Variants in EGFR observed in about 807,000 individuals in gnomAD.
EGFR encodes the protein avian erythroblastic leukemia viral (v-erb-b) oncogene homolog.
Under a neutral mutation model 143.0 loss-of-function variants are expected in EGFR, and 58 were observed. That is an observed-to-expected ratio of 0.41 (90% confidence interval 0.33 to 0.50). EGFR has a LOEUF of 0.50. Among genes scored for constraint, EGFR ranks in the 20% least tolerant of loss-of-function variants. The pLI is 0.39. For synonymous variants in EGFR, 613 were observed against 594.4 expected (o/e 1.03, Z -0.45); for missense variants, 1,307 against 1,579.0 (o/e 0.83, Z 2.92).
At chr7:55,031,989 A>G (rs1023174344) in intron 1 of EGFR, among the ~76,000 whole-genome samples, 2 of 152,214 alleles carry the variant, frequency 1.3e-5, no homozygotes, top group Non-Finnish European at 2.9e-5. Flanking sequence ...TTGTGAGCAC[A>G]GGCATGTTGA....
intron 15 of EGFR, among the ~76,000 whole-genome samples, chr7:55,169,308 C>A (rs1786230757): frequency 6.6e-6 from 1 of 152,046 alleles, no homozygotes; most frequent in South Asian, 2.1e-4. Context: ...ACCATGTTGG[C>A]CAGGCTTGTC....
chr7:55,093,524 A>G (rs1791260547), intron 1 of EGFR, among the ~76,000 whole-genome samples: 1 of 152,142 alleles, frequency 6.6e-6, no homozygotes, highest in African/African-American at 2.4e-5. Context: ...AGTGATGGTA[A>G]ACAGAATGAG....
chr7:55,197,999 T>A (rs542258374), intron 22 of EGFR, among the ~76,000 whole-genome samples: 14 of 152,354 alleles, frequency 9.2e-5, no homozygotes, highest in South Asian at 2.1e-4. Flanking sequence ...GGTATCAGGA[T>A]GACATTGGCC....
In EGFR at chr7:55,170,211, A is replaced by G. The variant is rs111951810; in HGVS notation, c.1881-964A>G. The G allele has an allele frequency of 3.1e-4, 491 of 1,605,462 alleles. 2 individuals are homozygous for G. In the African/African-American group the frequency reaches 6.0e-3, roughly 20 times the overall value. ...CAGTGTAGAGAACAGAGACCTGGAG[A>G]GCAGAGATAGAAACTGTTAGGATCA... On this transcript the variant is annotated intron_variant, in intron 15 of 27. Transcript: ENST00000275493.
chr7:55,202,935 CTG>C (rs985189144), intron 27 of EGFR: 15 of 625,374 alleles, frequency 2.4e-5, no homozygotes, highest in Admixed American at 9.7e-5. Flanking sequence ...GTGTGTACAT[CTG>C]TGTATGTGTG....
chr7:55,138,713 A>G (rs73696554), intron 1 of EGFR, among the ~76,000 whole-genome samples: 1,619 of 152,314 alleles, frequency 0.011, 33 homozygotes, highest in African/African-American at 0.036. Context: ...TATTTTTTCA[A>G]TCTTCAAAAC....
chr7:55,087,273 T>TTAAAAAAA (rs1562702232), intron 1 of EGFR, among the ~76,000 whole-genome samples: 1 of 102,112 alleles, frequency 9.8e-6, no homozygotes, highest in African/African-American at 4.0e-5. Context: ...TCTCAATTGT[T>TTAAAAAAA]AAAAAAAAAA....
chr7:55,091,030 C>G (rs1245912693), intron 1 of EGFR, among the ~76,000 whole-genome samples: 1 of 152,192 alleles, frequency 6.6e-6, no homozygotes, highest in Non-Finnish European at 1.5e-5. Context: ...AGCACTTTGT[C>G]CTGACCTCAT....
chr7:55,033,077 A>G (rs1787354882), intron 1 of EGFR, among the ~76,000 whole-genome samples: 2 of 152,222 alleles, frequency 1.3e-5, no homozygotes, highest in African/African-American at 4.8e-5. Context: ...GAAAATTTTT[A>G]TAGCAGGCTA....
chr7:55,132,783 G>GT (rs1793928644), intron 1 of EGFR, among the ~76,000 whole-genome samples: 1 of 152,204 alleles, frequency 6.6e-6, no homozygotes, highest in African/African-American at 2.4e-5. Context: ...CTTCAGGGCA[G>GT]TGAGTACTTC....
At chr7:55,176,392 G>T (rs1173365401) in intron 19 of EGFR, among the ~76,000 whole-genome samples, 1 of 152,114 alleles carries the variant, frequency 6.6e-6, no homozygotes, top group Non-Finnish European at 1.5e-5. Flanking sequence ...GATAGATAAG[G>T]TCAAGGCTTA....
Position 55,211,402 on chromosome 7 carries a change from G to C in EGFR, c.*5785G>C, listed in dbSNP as rs908587259. The C allele has an allele frequency of 1.3e-5, 2 of 152,150 alleles. No homozygotes were observed. Among genetic ancestry groups the C allele is most frequent in the Admixed American group, 6.5e-5 (1 of 15,278 alleles). The allele number at this position is 152,150 out of a possible 1,614,324, so 9.4% of individuals were successfully genotyped here. ...ATAACTTCGTTTTAGAAACATTCAA[G>C]CAATAGCTTTATAGCTTCAACATAT... On this transcript the variant is annotated 3_prime_UTR_variant, in exon 28 of 28. Coordinates refer to ENST00000275493, the MANE Select transcript of EGFR (RefSeq NM_005228.5).
chr7:55,157,069 GGCCCCA>G, intron 10 of EGFR: 4 of 1,047,060 alleles, frequency 3.8e-6, no homozygotes, highest in Non-Finnish European at 5.3e-6. Context: ...CCTCCCGCCC[GGCCCCA>G]GCCAGCTGCC....
At chr7:55,159,384 C>CT (rs912297338) in intron 11 of EGFR, among the ~76,000 whole-genome samples, 1 of 152,136 alleles carries the variant, frequency 6.6e-6, no homozygotes, top group Admixed American at 6.6e-5. Flanking sequence ...GGACATCCCC[C>CT]CTTCGGTCTG....
chr7:55,042,653 G>A (rs1787961533), intron 1 of EGFR, among the ~76,000 whole-genome samples: 1 of 152,060 alleles, frequency 6.6e-6, no homozygotes, highest in Non-Finnish European at 1.5e-5. Flanking sequence ...GAAAATATGG[G>A]CTCACCAACC....
chr7:55,043,604 C>T (rs530404269), intron 1 of EGFR, among the ~76,000 whole-genome samples: 2 of 106,290 alleles, frequency 1.9e-5, no homozygotes, highest in East Asian at 2.1e-4. Flanking sequence ...TCAAGAGAAC[C>T]GCCCCCTTCT....
intron 16 of EGFR, among the ~76,000 whole-genome samples, chr7:55,172,488 A>G (rs993664205): frequency 7.3e-5 from 11 of 151,712 alleles, no homozygotes; most frequent in East Asian, 1.9e-4. Context: ...CACACAATCC[A>G]TGTGCTCATC....
At chr7:55,120,781 C>T (rs1486612261) in intron 1 of EGFR, among the ~76,000 whole-genome samples, 2 of 152,120 alleles carry the variant, frequency 1.3e-5, no homozygotes, top group African/African-American at 4.8e-5. Context: ...GCTGCATATT[C>T]CTATTTTTAA....
intron 5 of EGFR, 34 bp downstream of exon 5, chr7:55,151,396 A>T (rs2128932729): frequency 2.5e-6 from 4 of 1,607,948 alleles, no homozygotes; most frequent in Non-Finnish European, 3.4e-6. Flanking sequence ...CCCATGTGTG[A>T]CCGCCCCTCT....
Sources: allele counts gnomAD v4.1 joint callset (sites outside exome capture counted in the v4.1 genomes callset), GRCh38; gene constraint gnomAD v4.1.1; transcripts MANE v1.5; gene names NCBI Gene and HGNC (gene_info 2026-07-23, HGNC 2026-07-21).